Variants in WDPCP observed in about 807,000 individuals in gnomAD.
WDPCP encodes WD repeat-containing and planar cell polarity effector protein fritz homolog.
Under a neutral mutation model 93.1 loss-of-function variants are expected in WDPCP, and 71 were observed. The observed-to-expected ratio is 0.76, with a 90% CI of 0.63 to 0.93. The LOEUF is 0.93. Ranked by LOEUF, WDPCP falls within the 40% of genes least tolerant of loss-of-function variation. WDPCP has a pLI of 0.00. For synonymous variants in WDPCP, 315 were observed against 315.0 expected (o/e 1.00, Z 0.00); for missense variants, 844 against 887.4 (o/e 0.95, Z 0.62).
chr2:63,589,487 C>G (rs1709112133), upstream of WDPCP: 1 of 1,170,528 alleles, frequency 8.5e-7, no homozygotes, highest in Non-Finnish European at 1.2e-6. Flanking sequence ...AAGCAAAAAG[C>G]TGGAAAGGTA....
intron 3 of WDPCP, among the ~76,000 whole-genome samples, chr2:63,630,959 T>C (rs944074080): frequency 1.3e-5 from 2 of 152,182 alleles, no homozygotes; most frequent in African/African-American, 4.8e-5. Flanking sequence ...GGAAAATCAC[T>C]AAATACTTGG....
At chr2:63,643,583 T>C in intron 3 of WDPCP, 1 of 434,126 alleles carries the variant, frequency 2.3e-6, no homozygotes, top group African/African-American at 2.0e-5. Flanking sequence ...TTACTCACCT[T>C]GATGAGGGGA....
At chr2:63,172,472 C>T (rs774154405) in intron 15 of WDPCP, among the ~76,000 whole-genome samples, 4 of 152,138 alleles carry the variant, frequency 2.6e-5, no homozygotes, top group Non-Finnish European at 5.9e-5. Context: ...CGCACCACTG[C>T]ATTCCAGCTT....
intron 2 of WDPCP, among the ~76,000 whole-genome samples, chr2:63,666,930 A>G (rs2592386): frequency 0.8 from 121,881 of 151,964 alleles, 49,304 homozygotes; most frequent in East Asian, 0.98. Flanking sequence ...GAGCAGCTTA[A>G]GTAATCACAA....
chr2:63,710,382 T>C (rs1558891142), intron 2 of WDPCP, among the ~76,000 whole-genome samples: 1 of 152,186 alleles, frequency 6.6e-6, no homozygotes, highest in Non-Finnish European at 1.5e-5. Flanking sequence ...TCTTCTCCTT[T>C]CCATTTCAGA....
At chr2:63,736,478 T>G (rs1224906780) in intron 2 of WDPCP, among the ~76,000 whole-genome samples, 2 of 152,234 alleles carry the variant, frequency 1.3e-5, no homozygotes, top group East Asian at 3.8e-4. Flanking sequence ...TACAGAGAAC[T>G]TGTGGTCTCC....
At chr2:63,544,491 TTCTC>T (rs1704986928) in intron 1 of WDPCP, among the ~76,000 whole-genome samples, 1 of 152,308 alleles carries the variant, frequency 6.6e-6, no homozygotes, top group Non-Finnish European at 1.5e-5. Context: ...TTCAAACTGA[TTCTC>T]TATTATTTCA....
chr2:63,420,240 TG>T (rs1695742851), intron 9 of WDPCP, among the ~76,000 whole-genome samples: 1 of 151,748 alleles, frequency 6.6e-6, no homozygotes, highest in African/African-American at 2.4e-5. Context: ...AAATAAATAT[TG>T]GCCAGGCATG....
intron 1 of WDPCP, among the ~76,000 whole-genome samples, chr2:63,508,062 T>C (rs553147800): frequency 6.6e-6 from 1 of 152,118 alleles, no homozygotes; most frequent in African/African-American, 2.4e-5. Context: ...AGGCCAACAT[T>C]CAAATTCAAG....
intron 1 of WDPCP, among the ~76,000 whole-genome samples, chr2:63,587,878 G>T (rs1224659739): frequency 6.6e-6 from 1 of 152,250 alleles, no homozygotes; most frequent in Non-Finnish European, 1.5e-5. Flanking sequence ...AACATTCACG[G>T]AGGGCTTAGA....
intron 13 of WDPCP, among the ~76,000 whole-genome samples, chr2:63,277,099 A>C (rs567652025): frequency 1.3e-5 from 2 of 152,354 alleles, no homozygotes; most frequent in South Asian, 4.1e-4. Context: ...AGCAATTATC[A>C]GCCAAGAATT....
intron 1 of WDPCP, among the ~76,000 whole-genome samples, chr2:63,568,838 T>C (rs1707270926): frequency 6.6e-6 from 1 of 152,250 alleles, no homozygotes; most frequent in African/African-American, 2.4e-5. Context: ...AGTATAAGCA[T>C]GCCAGGGCAA....
At chr2:63,136,052 C>CT (rs1158949278) in intron 17 of WDPCP, among the ~76,000 whole-genome samples, 4 of 152,224 alleles carry the variant, frequency 2.6e-5, no homozygotes. Flanking sequence ...GAGGGACATA[C>CT]TTTTTCTTGA....
chr2:63,673,215 C>A (rs1264367291), intron 2 of WDPCP, among the ~76,000 whole-genome samples: 1 of 152,114 alleles, frequency 6.6e-6, no homozygotes, highest in Middle Eastern at 3.4e-3. Flanking sequence ...GAGGAGATAC[C>A]AAACCACTTA....
intron 12 of WDPCP, chr2:63,359,756 C>T (rs774943854): frequency 6.6e-6 from 1 of 152,152 alleles, no homozygotes; most frequent in Non-Finnish European, 1.5e-5. Flanking sequence ...CCAAAATACC[C>T]CCTGAGAAGT....
intron 9 of WDPCP, among the ~76,000 whole-genome samples, chr2:63,409,349 G>GA (rs2105246963): frequency 6.6e-6 from 1 of 152,306 alleles, no homozygotes; most frequent in South Asian, 2.1e-4. Flanking sequence ...GGAAGAGGGG[G>GA]AGAGTACTAC....
At chr2:63,322,672 C>T (rs1575139924) in intron 12 of WDPCP, among the ~76,000 whole-genome samples, 1 of 152,104 alleles carries the variant, frequency 6.6e-6, no homozygotes, top group Middle Eastern at 3.4e-3. Flanking sequence ...CTGGACACAC[C>T]ATCTTTAAGA....
chr2:63,362,839 T>C (rs1347338976), intron 12 of WDPCP, among the ~76,000 whole-genome samples: 2 of 152,100 alleles, frequency 1.3e-5, no homozygotes, highest in Non-Finnish European at 2.9e-5. Context: ...TCTTAACAAG[T>C]ATGATAAAAT....
chr2:63,171,134 C>T (rs998399444), intron 15 of WDPCP, among the ~76,000 whole-genome samples: 5 of 152,028 alleles, frequency 3.3e-5, no homozygotes, highest in Admixed American at 3.3e-4. Context: ...AAAATATCCA[C>T]ATTTTCAGAT....
Sources: allele counts gnomAD v4.1 joint callset (sites outside exome capture counted in the v4.1 genomes callset), GRCh38; gene constraint gnomAD v4.1.1; transcripts MANE v1.5; gene names NCBI Gene and HGNC (gene_info 2026-07-23, HGNC 2026-07-21).